The following PHAF1 variants were observed in gnomAD, a reference collection of about 807,000 sequenced individuals.
PHAF1 encodes phagosome assembly factor 1.
A neutral mutation model predicts 63.1 loss-of-function variants in PHAF1; 23 were observed. The observed-to-expected ratio is 0.36, with a 90% CI of 0.26 to 0.52. The LOEUF is 0.52. Ranked by LOEUF, PHAF1 falls within the 20% of genes least tolerant of loss-of-function variation. The pLI is 0.93. For missense variants in PHAF1, 427 were observed against 517.2 expected (o/e 0.83, Z 1.69); for synonymous variants, 167 against 185.0 (o/e 0.90, Z 0.79).
In PHAF1 at chr16:67,147,055, A is replaced by G; in HGVS notation, c.1193A>G (p.Asn398Ser). The change falls in exon 16 of 16, where the codon AAC (asparagine) becomes AGC (serine). Residue 398 changes from asparagine to serine, a missense_variant. Physicochemically the swap from Asn to Ser is conservative, Grantham distance 46. Coordinates refer to ENST00000219139, the MANE Select transcript of PHAF1 (RefSeq NM_025187.5). ...LQRMIFEVMQ[N>S]NHIASVTLYG... ...CTCTTCTCACACCAGGTCATGCAGA[A>G]CAACCACATTGCCTCGGTGACCCTG... is the stretch of plus-strand genomic sequence containing the variant. 1 of 1,613,960 alleles carries G rather than the reference A, an allele frequency of 6.2e-7. No homozygotes were observed. Among genetic ancestry groups the G allele is most frequent in the Non-Finnish European group, 8.5e-7 (1 of 1,179,892 alleles).
At chr16:67,110,767 G>C (rs1962480366) in intron 1 of PHAF1, among the ~76,000 whole-genome samples, 2 of 152,162 alleles carry the variant, frequency 1.3e-5, no homozygotes. Context: ...GGTCAAGGGA[G>C]TTGAGTTTGT....
Position 67,111,090 on chromosome 16 carries a change from A to C in PHAF1, c.64+851A>C, listed in dbSNP as rs531938954. On this transcript the variant is annotated intron_variant, in intron 1 of 15. Coordinates refer to ENST00000219139, the MANE Select transcript of PHAF1 (RefSeq NM_025187.5). ...CGGCCTCCCAAAGTGCTGGGATTACAGGCGTGAGCCACTGCACCCGGCCCC... is the reference window on the plus strand; with the variant it reads ...CGGCCTCCCAAAGTGCTGGGATTACCGGCGTGAGCCACTGCACCCGGCCCC... 4.6e-5 allele frequency among the ~76,000 whole-genome samples: 7 copies of C among 152,328 alleles called. No individual in the cohort carries two copies. In the South Asian group the frequency reaches 6.2e-4, roughly 14 times the overall value.
intron 8 of PHAF1, among the ~76,000 whole-genome samples, chr16:67,137,608 C>T (rs1051651142): frequency 3.9e-5 from 6 of 152,048 alleles, no homozygotes; most frequent in South Asian, 2.1e-4. Context: ...TGTGAGCCAC[C>T]GCACCCAGCC....
chr16:67,121,229 G>C (rs1045567794), intron 2 of PHAF1, among the ~76,000 whole-genome samples: 1 of 143,364 alleles, frequency 7.0e-6, no homozygotes, highest in African/African-American at 2.6e-5. Context: ...TCGCTCTGTC[G>C]CCTAGGCTAG....
chr16:67,132,752 G>A, intron 5 of PHAF1, 65 bp from the exon 6 acceptor site: 1 of 1,411,394 alleles, frequency 7.1e-7, no homozygotes, highest in African/African-American at 1.4e-5. Context: ...CTGCCAGGCT[G>A]GTTTATGTTA....
chr16:67,131,337 T>C lies in PHAF1; in HGVS notation c.275+8T>C. On this transcript the variant is annotated splice_region_variant and intron_variant, in intron 4 of 15. Transcript: ENST00000219139. ...AGTAAAGTTAAAATATTGGTAAGTT[T>C]TCTCCCCTGCTGGTATATGTCACAC... 6.3e-7 allele frequency: 1 copy of C among 1,581,984 alleles called. No homozygotes were observed. The highest frequency in any genetic ancestry group is 8.6e-7 in the Non-Finnish European group (1 of 1,159,268).
intron 8 of PHAF1, chr16:67,134,820 T>G (rs1371487273): frequency 1.4e-5 from 6 of 439,104 alleles, no homozygotes; most frequent in South Asian, 1.0e-4. Flanking sequence ...TGTAATCACC[T>G]CCCAAAGCCC....
At chr16:67,121,884 T>A (rs1962993619) in intron 2 of PHAF1, among the ~76,000 whole-genome samples, 2 of 152,148 alleles carry the variant, frequency 1.3e-5, no homozygotes, top group South Asian at 4.1e-4. Flanking sequence ...TTGGCCTATT[T>A]AACTTTTAAG....
At chr16:67,125,454 A>G (rs1567643099) in intron 2 of PHAF1, among the ~76,000 whole-genome samples, 1 of 152,212 alleles carries the variant, frequency 6.6e-6, no homozygotes, top group Non-Finnish European at 1.5e-5. Flanking sequence ...CTAAACCATC[A>G]AAGAATAAAA....
chr16:67,115,156 A>G (rs953026936), intron 1 of PHAF1, among the ~76,000 whole-genome samples: 1 of 152,250 alleles, frequency 6.6e-6, no homozygotes, highest in African/African-American at 2.4e-5. Flanking sequence ...GTTCTACCTA[A>G]TTGCTTTGTT....
intron 3 of PHAF1, among the ~76,000 whole-genome samples, chr16:67,128,828 A>C (rs1050553555): frequency 6.6e-6 from 1 of 152,192 alleles, no homozygotes; most frequent in Non-Finnish European, 1.5e-5. Context: ...GTGCCCTGTG[A>C]TTAGCTCTGG....
chr16:67,124,396 A>G (rs1412959474), intron 2 of PHAF1, among the ~76,000 whole-genome samples: 2 of 152,242 alleles, frequency 1.3e-5, no homozygotes, highest in Non-Finnish European at 1.5e-5. Flanking sequence ...TGATGGTACT[A>G]TCTGGGCCTG....
intron 5 of PHAF1, 28 bp downstream of exon 5, chr16:67,132,553 G>GTCA: frequency 2.5e-6 from 4 of 1,601,414 alleles, no homozygotes; most frequent in Non-Finnish European, 3.4e-6. Context: ...GATTCCTCTG[G>GTCA]TCATCAGTGG....
intron 8 of PHAF1, 28 bp downstream of exon 8, chr16:67,134,495 A>C: frequency 6.5e-7 from 1 of 1,531,698 alleles, no homozygotes; most frequent in Non-Finnish European, 9.0e-7. Flanking sequence ...AGGTTGGTAC[A>C]TTCCGCATTA....
chr16:67,127,331 T>C (rs1963231701), intron 3 of PHAF1, among the ~76,000 whole-genome samples: 1 of 152,182 alleles, frequency 6.6e-6, no homozygotes, highest in Non-Finnish European at 1.5e-5. Flanking sequence ...TCCAAAAGAC[T>C]TGGGTACTTA....
intron 8 of PHAF1, chr16:67,136,386 C>G (rs1443875503): frequency 4.0e-5 from 6 of 151,858 alleles, no homozygotes; most frequent in African/African-American, 1.5e-4. Context: ...ATTCCCATGC[C>G]TGGCCAACTT....
intron 2 of PHAF1, among the ~76,000 whole-genome samples, chr16:67,124,759 C>T (rs1441498038): frequency 2.6e-5 from 4 of 151,990 alleles, no homozygotes; most frequent in South Asian, 2.1e-4. Context: ...AAAAGTCAGC[C>T]GGGCGTGGTG....
At chr16:67,139,948 C>G (rs748382151) in intron 8 of PHAF1, 36 bp from the exon 9 acceptor site, 1 of 1,613,636 alleles carries the variant, frequency 6.2e-7, no homozygotes, top group Non-Finnish European at 8.5e-7. Flanking sequence ...TGGTCCTAAC[C>G]ATAACCTGAC....
At chr16:67,127,578 C>T (rs560230616) in intron 3 of PHAF1, among the ~76,000 whole-genome samples, 33 of 152,168 alleles carry the variant, frequency 2.2e-4, no homozygotes, top group South Asian at 1.2e-3. Flanking sequence ...GGGTGGATCA[C>T]GAGGTCAGGA....
Sources: allele counts gnomAD v4.1 joint callset (sites outside exome capture counted in the v4.1 genomes callset), GRCh38; gene constraint gnomAD v4.1.1; transcripts MANE v1.5; gene names NCBI Gene and HGNC (gene_info 2026-07-23, HGNC 2026-07-21).